The following TEX2 variants were observed in gnomAD, a reference collection of about 807,000 sequenced individuals.
The protein encoded by TEX2 is testis-expressed protein 2.
In TEX2, 53 loss-of-function variants were observed where a neutral mutation model predicts 106.9. That is an observed-to-expected ratio of 0.50 (90% CI 0.40 to 0.62). The LOEUF (loss-of-function observed/expected upper bound fraction) is 0.62, where lower values mean the gene tolerates loss of function less well. Among genes scored for constraint, TEX2 ranks in the 20% least tolerant of loss-of-function variants. The pLI is 0.00. For synonymous variants in TEX2, 523 were observed against 534.8 expected (o/e 0.98, Z 0.30); for missense variants, 1,207 against 1,379.0 (o/e 0.88, Z 1.98).
chr17:64,244,382 T>C (rs894728892), intron 1 of TEX2, among the ~76,000 whole-genome samples: 1 of 152,182 alleles, frequency 6.6e-6, no homozygotes, highest in Non-Finnish European at 1.5e-5. Context: ...GGTCTTCACT[T>C]AGGGTTTGGA....
At chr17:64,247,148 G>C (rs2034003595) in intron 1 of TEX2, among the ~76,000 whole-genome samples, 1 of 151,556 alleles carries the variant, frequency 6.6e-6, no homozygotes, top group Admixed American at 6.6e-5. Context: ...CGTGGTGGCA[G>C]GTGCCAGCTA....
At chr17:64,179,825 A>G (rs1329196018) in intron 5 of TEX2, among the ~76,000 whole-genome samples, 2 of 152,066 alleles carry the variant, frequency 1.3e-5, no homozygotes, top group African/African-American at 4.8e-5. Context: ...TTCAGAAGAC[A>G]TGGATCTGCT....
chr17:64,207,861 G>C (rs782788566), intron 2 of TEX2, among the ~76,000 whole-genome samples: 29 of 151,810 alleles, frequency 1.9e-4, no homozygotes, highest in Non-Finnish European at 3.2e-4. Context: ...TCAGCCTCAT[G>C]ACTAGCTGGG....
At chr17:64,221,444 A>G (rs1460747662) in intron 1 of TEX2, among the ~76,000 whole-genome samples, 2 of 152,234 alleles carry the variant, frequency 1.3e-5, no homozygotes, top group Admixed American at 6.5e-5. Flanking sequence ...GCACATGGAA[A>G]GATGCTCAAC....
rs1422884195 is a variant in TEX2 at position 64,214,094 on chromosome 17, C to T, written c.124G>A (p.Gly42Ser). The change falls in exon 2 of 12, where the codon GGC becomes AGC. Residue 42 changes from glycine to serine, a missense_variant. Gly to Ser is a moderately conservative substitution (Grantham distance 56). Coordinates refer to ENST00000584379, the MANE Select transcript of TEX2 (RefSeq NM_001288732.2). The part of the protein sequence containing the change: ...DTIAIHFSAS[G>S]EEEEEEEEEF... ...TCCTCCTCTTCCTCCTCCTCCTCGC[C>T]GGATGCCGAGAAGTGAATGGCGATG... 15 of 1,614,060 alleles carry T rather than the reference C, an allele frequency of 9.3e-6. No individual in the cohort carries two copies. Among genetic ancestry groups the T allele is most frequent in the East Asian group, 4.5e-5 (2 of 44,892 alleles).
At chr17:64,170,354 A>G (rs1223732107) in intron 7 of TEX2, among the ~76,000 whole-genome samples, 5 of 152,214 alleles carry the variant, frequency 3.3e-5, no homozygotes, top group African/African-American at 1.2e-4. Flanking sequence ...TCTGGAACCT[A>G]CAAGTCAGGA....
Position 64,214,076 on chromosome 17 carries a change from C to T in TEX2, c.142G>A (p.Glu48Lys). 2 of 1,614,174 alleles carry T rather than the reference C, an allele frequency of 1.2e-6. No homozygotes were observed. Among genetic ancestry groups the T allele is most frequent in the South Asian group, 1.1e-5 (1 of 91,074 alleles). ...AAGTACTCCCTGAACTCCTCCTCCT[C>T]TTCCTCCTCCTCCTCGCCGGATGCC... is the stretch of plus-strand genomic sequence containing the variant. Reference protein sequence around the residue: ...FSASGEEEEEEEEEFREYFEE... With the variant: ...FSASGEEEEEKEEEFREYFEE... The change falls in exon 2 of 12, where the codon GAG (glutamate) becomes AAG (lysine). Residue 48 changes from glutamate to lysine, a missense_variant. By Grantham distance (56) the Glu-to-Lys change is moderately conservative (BLOSUM62 1). Coordinates refer to ENST00000584379, the MANE Select transcript of TEX2 (RefSeq NM_001288732.2).
chr17:64,258,042 G>A (rs1449956399), intron 1 of TEX2, among the ~76,000 whole-genome samples: 4 of 151,966 alleles, frequency 2.6e-5, no homozygotes, highest in African/African-American at 9.7e-5. Context: ...CTCCTGAGTA[G>A]CTGGAACTAC....
intron 1 of TEX2, among the ~76,000 whole-genome samples, chr17:64,245,982 G>A (rs1298098192): frequency 1.3e-5 from 2 of 152,096 alleles, no homozygotes; most frequent in Non-Finnish European, 2.9e-5. Context: ...AAAGAGATCC[G>A]GTTTCTTAAG....
At chr17:64,249,099 T>C (rs1427169545) in intron 1 of TEX2, among the ~76,000 whole-genome samples, 1 of 151,606 alleles carries the variant, frequency 6.6e-6, no homozygotes, top group Non-Finnish European at 1.5e-5. Flanking sequence ...CCATACCTAC[T>C]GTTTACTGCT....
rs1255413509 is a variant in TEX2 at position 64,212,943 on chromosome 17, G to A, written c.1275C>T (p.Asp425=). 2 of 1,614,086 alleles carry A rather than the reference G, an allele frequency of 1.2e-6. No individual in the cohort carries two copies. Among genetic ancestry groups the A allele is most frequent in the South Asian group, 1.1e-5 (1 of 91,086 alleles). Residue 425 remains aspartate, a synonymous_variant, in exon 2 of 12, where the codon GAC becomes GAT. Coordinates refer to ENST00000584379, the MANE Select transcript of TEX2 (RefSeq NM_001288732.2). ...DEEFCELYTE[D]FDLETEGESK... is the part of the protein sequence containing the mutation. The stretch of plus-strand genomic sequence containing the variant: ...TCTCCCCCTCCGTTTCCAAATCGAA[G>A]TCCTCAGTGTACAGTTCACAAAACT...
intron 4 of TEX2, among the ~76,000 whole-genome samples, chr17:64,189,692 T>A (rs2032221222): frequency 6.6e-6 from 1 of 152,034 alleles, no homozygotes; most frequent in Admixed American, 6.6e-5. Context: ...GTGGTTAAAA[T>A]CAAACCAGGC....
intron 6 of TEX2, among the ~76,000 whole-genome samples, chr17:64,176,511 C>T (rs2031623376): frequency 6.6e-6 from 1 of 152,170 alleles, no homozygotes; most frequent in South Asian, 2.1e-4. Flanking sequence ...ACTGACTGTT[C>T]AGTGAAAATT....
intron 2 of TEX2, among the ~76,000 whole-genome samples, chr17:64,210,373 C>T (rs1228064054): frequency 1.3e-5 from 2 of 152,016 alleles, no homozygotes; most frequent in Admixed American, 6.6e-5. Flanking sequence ...TAAATCAAAA[C>T]AAAAAGAGTG....
chr17:64,223,511 G>A (rs532776327), intron 1 of TEX2, among the ~76,000 whole-genome samples: 4 of 151,644 alleles, frequency 2.6e-5, no homozygotes, highest in East Asian at 1.9e-4. Context: ...TCACCAACAC[G>A]TGTTTGTTCA....
chr17:64,196,592 A>G (rs2032475091), intron 2 of TEX2, among the ~76,000 whole-genome samples: 1 of 152,202 alleles, frequency 6.6e-6, no homozygotes, highest in Non-Finnish European at 1.5e-5. Context: ...AACAGCAACA[A>G]TCAGAGCAAT....
At chr17:64,237,850 T>C (rs1555635297) in intron 1 of TEX2, among the ~76,000 whole-genome samples, 1 of 152,180 alleles carries the variant, frequency 6.6e-6, no homozygotes, top group African/African-American at 2.4e-5. Flanking sequence ...TCTGGTTCAG[T>C]AACTGATACT....
intron 1 of TEX2, among the ~76,000 whole-genome samples, 153 bp from the exon 2 acceptor site, chr17:64,214,395 T>C (rs1399512362): frequency 1.3e-5 from 2 of 152,250 alleles, no homozygotes; most frequent in African/African-American, 2.4e-5. Flanking sequence ...TTGGGTTTAA[T>C]GGTTTAATTT....
intron 4 of TEX2, among the ~76,000 whole-genome samples, chr17:64,189,971 C>G (rs2032233491): frequency 6.9e-6 from 1 of 144,178 alleles, no homozygotes; most frequent in African/African-American, 2.6e-5. Context: ...GGCAACAGAG[C>G]AAGACTCTGT....
Sources: gnomAD v4.1 joint callset for allele counts (sites outside exome capture counted in the v4.1 genomes callset) on GRCh38, gnomAD v4.1.1 for gene constraint, MANE v1.5 for transcripts, NCBI Gene and HGNC (gene_info 2026-07-23, HGNC 2026-07-21) for gene names.